Variants in ST3GAL3 observed in about 807,000 individuals in gnomAD.
ST3GAL3 encodes the protein ST3 beta-galactoside alpha-2,3-sialyltransferase 3.
Under a neutral mutation model 50.1 loss-of-function variants are expected in ST3GAL3, and 21 were observed. The observed-to-expected ratio is 0.42, with a 90% CI of 0.30 to 0.60. The LOEUF is 0.60. Among genes scored for constraint, ST3GAL3 ranks in the 20% least tolerant of loss-of-function variants. The pLI, the probability that ST3GAL3 is intolerant of heterozygous loss-of-function variation, is 0.19. For missense variants in ST3GAL3, 353 were observed against 489.4 expected (o/e 0.72, Z 2.63); for synonymous variants, 183 against 190.0 (o/e 0.96, Z 0.30).
rs778787798 is a variant in ST3GAL3, at chr1:43,792,148, A to G, written c.165A>G (p.Ser55=). 6.2e-7 allele frequency: 1 copy of G among 1,614,234 alleles called. No individual in the cohort carries two copies. Among genetic ancestry groups the G allele is most frequent in the Non-Finnish European group, 8.5e-7 (1 of 1,180,032 alleles). Residue 55 remains serine (S), a splice_region_variant and synonymous_variant, in exon 3 of 12, where the codon TCA becomes TCG. Coordinates refer to ENST00000347631, the MANE Select transcript of ST3GAL3 (RefSeq NM_006279.5). ...ACTCCGCTGGACAAACACTAGGCTC[A>G]GGTACCAACTCTTCCCCCTCTATCA... ...SFDSAGQTLG[S]EYDRLGFLLN...
chr1:43,710,574 C>T (rs1303823130), intron 1 of ST3GAL3, among the ~76,000 whole-genome samples: 1 of 152,234 alleles, frequency 6.6e-6, no homozygotes, highest in Non-Finnish European at 1.5e-5. Context: ...GCGTTAGGCA[C>T]AGACCAGCCT....
rs187100216 is a variant in ST3GAL3, at chr1:43,825,430, A to C, written c.209+10497A>C. ...CCAATTTTTTCTCTAGTTTTTCTTA[A>C]TGGTCTTTTAAAATCTCAGCCAATT... On this transcript the variant is annotated intron_variant, in intron 4 of 11. Transcript: ENST00000347631. Among the ~76,000 whole-genome samples the C allele has an allele frequency of 4.6e-3, 696 of 152,202 alleles. 2 individuals carry two copies. The highest frequency in any genetic ancestry group is 6.8e-3 in the Middle Eastern group (2 of 294).
In ST3GAL3 at chr1:43,920,458, C is replaced by T; in HGVS notation, c.799C>T (p.Pro267Ser). ...SVATRVPKEP[P>S]EIRILNPYFI... Reference sequence around the variant, plus strand: ...GGCCACTCGAGTGCCCAAGGAGCCCCCTGAGATTCGAATCCTCAACCCATA... The same window carrying T: ...GGCCACTCGAGTGCCCAAGGAGCCCTCTGAGATTCGAATCCTCAACCCATA... The change falls in exon 10 of 12, where the codon CCT (proline) becomes TCT (serine). Residue 267 changes from proline to serine, a missense_variant. Transcript: ENST00000347631. The T allele has an allele frequency of 6.2e-7, 1 of 1,614,196 alleles. No homozygotes were observed. The highest frequency in any genetic ancestry group is 1.7e-5 in the Admixed American group (1 of 60,028).
intron 2 of ST3GAL3, among the ~76,000 whole-genome samples, chr1:43,746,431 G>A (rs1258816936): frequency 6.6e-6 from 1 of 151,690 alleles, no homozygotes; most frequent in African/African-American, 2.4e-5. Context: ...GAATGTACTT[G>A]ATGCCACAGA....
chr1:43,751,893 C>T (rs753481991), intron 2 of ST3GAL3, among the ~76,000 whole-genome samples: 1 of 151,894 alleles, frequency 6.6e-6, no homozygotes, highest in Non-Finnish European at 1.5e-5. Context: ...GATCTCGGCT[C>T]ACTGCAACCT....
intron 4 of ST3GAL3, among the ~76,000 whole-genome samples, chr1:43,815,641 T>C (rs1394810507): frequency 6.6e-6 from 1 of 152,212 alleles, no homozygotes; most frequent in East Asian, 1.9e-4. Context: ...ATTCTCTTTA[T>C]GATTTGGGTC....
intron 2 of ST3GAL3, chr1:43,736,889 C>T: frequency 4.3e-6 from 1 of 230,654 alleles, no homozygotes; most frequent in Non-Finnish European, 8.7e-6. Context: ...CACCTGGCTA[C>T]AATAATGGCT....
chr1:43,796,821 A>G (rs955157627), intron 3 of ST3GAL3, among the ~76,000 whole-genome samples: 15 of 152,376 alleles, frequency 9.8e-5, no homozygotes, highest in African/African-American at 3.1e-4. Context: ...TTAAACAGCT[A>G]TGATAAAAAT....
At chr1:43,757,530 C>G (rs1025476965) in intron 2 of ST3GAL3, among the ~76,000 whole-genome samples, 2 of 152,120 alleles carry the variant, frequency 1.3e-5, no homozygotes, top group African/African-American at 4.8e-5. Context: ...TGATTTTTCA[C>G]AAAGGGGCCC....
At chr1:43,739,175 A>T (rs1388177669) in intron 2 of ST3GAL3, 1 of 152,254 alleles carries the variant, frequency 6.6e-6, no homozygotes, top group Non-Finnish European at 1.5e-5. Flanking sequence ...AGTTACTCAG[A>T]TAATCTATTG....
chr1:43,921,968 T>C (rs2154296003), intron 11 of ST3GAL3: 4 of 389,954 alleles, frequency 1.0e-5, no homozygotes, highest in Non-Finnish European at 1.4e-5. Context: ...GGCCACTCCT[T>C]CTTCTTTGAA....
chr1:43,773,576 A>T (rs912339602), intron 2 of ST3GAL3, among the ~76,000 whole-genome samples: 1 of 152,212 alleles, frequency 6.6e-6, no homozygotes, highest in Admixed American at 6.5e-5. Context: ...TAGATAGATG[A>T]TAGACAGATA....
chr1:43,780,296 A>G (rs982946454), intron 2 of ST3GAL3, among the ~76,000 whole-genome samples: 1 of 152,006 alleles, frequency 6.6e-6, no homozygotes, highest in Non-Finnish European at 1.5e-5. Context: ...AGGAGTCTTA[A>G]TGCTATTCTG....
chr1:43,765,801 G>A (rs1370548546), intron 2 of ST3GAL3, among the ~76,000 whole-genome samples: 8 of 142,966 alleles, frequency 5.6e-5, no homozygotes, highest in African/African-American at 2.0e-4. Flanking sequence ...GCGCGCGCGC[G>A]TCCGCGCGTC....
intron 4 of ST3GAL3, chr1:43,831,896 C>A (rs1384461334): frequency 2.0e-5 from 3 of 152,274 alleles, no homozygotes; most frequent in Admixed American, 1.3e-4. Flanking sequence ...CTCCTTCAGC[C>A]CCATATGCCT....
chr1:43,920,311 C>CGCCTCACTGTCCCTACT, intron 9 of ST3GAL3, 93 bp from the exon 10 acceptor site: 1 of 1,539,050 alleles, frequency 6.5e-7, no homozygotes, highest in Non-Finnish European at 9.0e-7. Flanking sequence ...CTCATGCTCC[C>CGCCTCACTGTCCCTACT]GCCTCACTGT....
intron 2 of ST3GAL3, chr1:43,738,130 A>C (rs1339821380): frequency 6.6e-6 from 1 of 152,242 alleles, no homozygotes; most frequent in African/African-American, 2.4e-5. Flanking sequence ...AAAGGGGCTC[A>C]GAGAAGTAAT....
chr1:43,838,290 T>C lies in ST3GAL3; in HGVS notation c.281T>C (p.Leu94Ser). The C allele has an allele frequency of 6.2e-7, 1 of 1,613,772 alleles. No individual in the cohort carries two copies. Among genetic ancestry groups the C allele is most frequent in the Non-Finnish European group, 8.5e-7 (1 of 1,179,830 alleles). ...TGCAAGCCTGGCTATGCTTCAGCCT[T>C]GATGACGGCCATCTTCCCCCGGTAA... ...GACKPGYASALMTAIFPRFSK... is the reference protein window; with the variant it reads ...GACKPGYASASMTAIFPRFSK... Residue 94 changes from leucine (L) to serine (S), a missense_variant, in exon 5 of 12, where the codon TTG (leucine) becomes TCG (serine). Physicochemically the swap from Leu to Ser is moderately radical, Grantham distance 145. Coordinates refer to ENST00000347631, the MANE Select transcript of ST3GAL3 (RefSeq NM_006279.5).
intron 3 of ST3GAL3, among the ~76,000 whole-genome samples, chr1:43,813,621 T>C (rs2060829351): frequency 6.6e-6 from 1 of 152,214 alleles, no homozygotes; most frequent in Admixed American, 6.5e-5. Context: ...GCTCAGATGA[T>C]TTTGAAAGCA....
Sources: gnomAD v4.1 joint callset for allele counts (sites outside exome capture counted in the v4.1 genomes callset) on GRCh38, gnomAD v4.1.1 for gene constraint, MANE v1.5 for transcripts, NCBI Gene and HGNC (gene_info 2026-07-23, HGNC 2026-07-21) for gene names.